ALDH1A2: variants seen among roughly 807,000 people sequenced by gnomAD.
ALDH1A2 encodes aldehyde dehydrogenase 1 family member A2, also known as retinal dehydrogenase 2.
Under a neutral mutation model 60.3 loss-of-function variants are expected in ALDH1A2, and 27 were observed. The observed-to-expected ratio is 0.45, with a 90% CI of 0.33 to 0.62. ALDH1A2 has a LOEUF of 0.62. ALDH1A2 is among the 20% of genes least tolerant of loss of function. The pLI, the probability that ALDH1A2 is intolerant of heterozygous loss-of-function variation, is 0.02. For missense variants in ALDH1A2, 581 were observed against 643.8 expected (o/e 0.90, Z 1.06); for synonymous variants, 289 against 232.4 (o/e 1.24, Z -2.21).
intron 4 of ALDH1A2, among the ~76,000 whole-genome samples, chr15:58,004,638 G>A (rs1895386012): frequency 6.6e-6 from 1 of 150,620 alleles, no homozygotes; most frequent in Non-Finnish European, 1.5e-5. Context: ...CCCCATCCAT[G>A]TTGCTGCAAA....
chr15:57,955,803 T>G (rs1005016390), intron 12 of ALDH1A2, among the ~76,000 whole-genome samples: 10 of 151,862 alleles, frequency 6.6e-5, no homozygotes, highest in African/African-American at 2.4e-4. Context: ...TTCCTGTCCT[T>G]CTGCGTGTTT....
chr15:57,993,190 C>T (rs4646607), intron 5 of ALDH1A2, 117 bp from the exon 6 acceptor site: 5 of 1,234,864 alleles, frequency 4.0e-6, no homozygotes, highest in Non-Finnish European at 5.7e-6. Context: ...TTGTCCACTA[C>T]AAAGTACAGA....
At chr15:58,039,349 T>C (rs192409806) in intron 1 of ALDH1A2, among the ~76,000 whole-genome samples, 1 of 151,798 alleles carries the variant, frequency 6.6e-6, no homozygotes, top group Admixed American at 6.6e-5. Flanking sequence ...CTATGGATTA[T>C]ATATAACCCG....
chr15:57,979,829 A>G, intron 7 of ALDH1A2: 1 of 271,032 alleles, frequency 3.7e-6, no homozygotes, highest in African/African-American at 2.2e-5. Flanking sequence ...GGCAGGCAGT[A>G]CTTGGGGTCA....
intron 1 of ALDH1A2, among the ~76,000 whole-genome samples, chr15:58,025,222 A>G (rs186669707): frequency 2.2e-4 from 33 of 152,306 alleles, no homozygotes; most frequent in Admixed American, 7.2e-4. Flanking sequence ...TAAAAAGAAT[A>G]CAACAGGATC....
chr15:57,981,723 T>C lies in ALDH1A2; in HGVS notation c.798+10982A>G, dbSNP rs565390755. 1.7e-4 allele frequency among the ~76,000 whole-genome samples: 26 copies of C among 152,290 alleles called. 1 individual carries two copies. In the South Asian group the frequency reaches 4.6e-3, roughly 27 times the overall value. ...TATACCACACTTCCCCAAGCATTAATTGTCCCATAAACTTCATTTTAAAAA... is the reference window on the plus strand; with the variant it reads ...TATACCACACTTCCCCAAGCATTAACTGTCCCATAAACTTCATTTTAAAAA... On this transcript the variant is annotated intron_variant, in intron 7 of 12. Transcript: ENST00000249750.
intron 1 of ALDH1A2, among the ~76,000 whole-genome samples, chr15:58,030,142 A>G (rs1032627483): frequency 9.2e-5 from 14 of 152,216 alleles, no homozygotes; most frequent in African/African-American, 3.1e-4. Context: ...AATCCTCAAT[A>G]AAATACTGGC....
chr15:58,028,055 A>G (rs931520004), intron 1 of ALDH1A2, among the ~76,000 whole-genome samples: 2 of 152,190 alleles, frequency 1.3e-5, no homozygotes, highest in African/African-American at 2.4e-5. Context: ...AGACCACCAC[A>G]AAGATATTCC....
In ALDH1A2 at chr15:58,010,783, T is replaced by C. The variant is rs776336103; in HGVS notation, c.364-5A>G. 1.9e-6 allele frequency: 3 copies of C among 1,612,948 alleles called. No individual in the cohort carries two copies. The highest frequency in any genetic ancestry group is 4.5e-5 in the East Asian group (2 of 44,858). On this transcript the variant is annotated splice_region_variant and splice_polypyrimidine_tract_variant and intron_variant, in intron 3 of 12. Coordinates refer to ENST00000249750, the MANE Select transcript of ALDH1A2 (RefSeq NM_003888.4). ...ACCATTTAGGGATTCCATGGTCTGT[T>C]GGAAGAGAAATGGAGAGATACTAAG...
rs1893475127 is a variant in ALDH1A2 at position 57,955,149 on chromosome 15, G to T, written c.*48C>A. The stretch of plus-strand genomic sequence containing the variant: ...AGAGCTGGGCCCTACAGAGAAAGCA[G>T]AGAGGGACAGACGTGCAGGCTGGGC... On this transcript the variant is annotated 3_prime_UTR_variant, in exon 13 of 13. Coordinates refer to ENST00000249750, the MANE Select transcript of ALDH1A2 (RefSeq NM_003888.4). The T allele has an allele frequency of 6.4e-7, 1 of 1,566,766 alleles. No homozygotes were observed. Among genetic ancestry groups the T allele is most frequent in the Non-Finnish European group, 8.8e-7 (1 of 1,136,868 alleles).
intron 12 of ALDH1A2, among the ~76,000 whole-genome samples, chr15:57,958,204 G>T (rs1248007986): frequency 1.2e-4 from 10 of 86,634 alleles, no homozygotes; most frequent in African/African-American, 3.5e-4. Context: ...ATGCATGCGT[G>T]TACACGCACG....
rs4646610 is a variant in ALDH1A2 at position 57,973,763 on chromosome 15, C to T, written c.799-7936G>A. ...AAACTAAGAGATAACCTAGAAGTCACGGGATTAGTTCCCCTCCAAATGAAT... is the reference window on the plus strand; with the variant it reads ...AAACTAAGAGATAACCTAGAAGTCATGGGATTAGTTCCCCTCCAAATGAAT... On this transcript the variant is annotated intron_variant, in intron 7 of 12. Coordinates refer to ENST00000249750, the MANE Select transcript of ALDH1A2 (RefSeq NM_003888.4). 3.5e-3 allele frequency among the ~76,000 whole-genome samples: 531 copies of T among 152,268 alleles called. 2 individuals are homozygous for T. The highest frequency in any genetic ancestry group is 0.017 in the East Asian group (87 of 5,162).
chr15:57,995,331 T>A (rs1167685175), intron 4 of ALDH1A2, among the ~76,000 whole-genome samples, 192 bp from the exon 5 acceptor site: 2 of 151,516 alleles, frequency 1.3e-5, no homozygotes, highest in Admixed American at 6.6e-5. Flanking sequence ...TGGATATATC[T>A]CTCAGACACC....
chr15:58,027,916 T>C (rs750234173), intron 1 of ALDH1A2, among the ~76,000 whole-genome samples: 6 of 152,226 alleles, frequency 3.9e-5, no homozygotes, highest in Non-Finnish European at 8.8e-5. Flanking sequence ...ACCAACTCTA[T>C]GTTTGATTGG....
chr15:58,051,039 C>A (rs1896763494), intron 1 of ALDH1A2, among the ~76,000 whole-genome samples: 1 of 152,128 alleles, frequency 6.6e-6, no homozygotes, highest in Non-Finnish European at 1.5e-5. Context: ...GTAGCACAAT[C>A]ATTTTTACAT....
At chr15:58,061,656 C>T (rs1447997031) in intron 1 of ALDH1A2, among the ~76,000 whole-genome samples, 5 of 121,472 alleles carry the variant, frequency 4.1e-5, no homozygotes, top group Non-Finnish European at 9.5e-5. Flanking sequence ...AACAACGTGC[C>T]ACAGACCGTT....
intron 1 of ALDH1A2, among the ~76,000 whole-genome samples, chr15:58,042,864 C>T (rs1249382886): frequency 6.6e-6 from 1 of 151,918 alleles, no homozygotes; most frequent in Admixed American, 6.6e-5. Context: ...CACTGGAGTT[C>T]TCCTGAGTGA....
intron 1 of ALDH1A2, among the ~76,000 whole-genome samples, chr15:58,057,327 T>C (rs1896920920): frequency 6.6e-6 from 1 of 151,992 alleles, no homozygotes; most frequent in South Asian, 2.1e-4. Flanking sequence ...TATATATATA[T>C]ATGGTACATA....
intron 7 of ALDH1A2, among the ~76,000 whole-genome samples, chr15:57,967,147 G>C (rs1161350438): frequency 6.6e-6 from 1 of 151,120 alleles, no homozygotes; most frequent in African/African-American, 2.4e-5. Context: ...TAGGAGAAAA[G>C]GCTCTGGAGC....
Sources: allele counts gnomAD v4.1 joint callset (sites outside exome capture counted in the v4.1 genomes callset), GRCh38; gene constraint gnomAD v4.1.1; transcripts MANE v1.5; gene names NCBI Gene and HGNC (gene_info 2026-07-23, HGNC 2026-07-21).